The following ABCA10 variants were observed in gnomAD, a reference collection of about 807,000 sequenced individuals.
ABCA10 encodes ATP binding cassette subfamily A member 10, also known as ATP-binding cassette sub-family A member 10.
ABCA10 carries 169 observed loss-of-function variants against 187.5 expected under a neutral mutation model. The observed-to-expected ratio is 0.90, with a 90% CI of 0.80 to 1.02. The LOEUF is 1.02. ABCA10 is among the 50% of genes least tolerant of loss of function. The probability of loss-of-function intolerance (pLI) is 0.00; values close to 1 mark genes in which losing one functional copy is unlikely to be tolerated. For missense variants in ABCA10, 1,727 were observed against 1,812.4 expected, an observed-to-expected ratio of 0.95 and a Z score of 0.86; for synonymous variants, 574 against 601.8, an observed-to-expected ratio of 0.95 and a Z score of 0.68.
intron 9 of ABCA10, among the ~76,000 whole-genome samples, chr17:69,211,419 G>C (rs1006338070): frequency 3.4e-5 from 5 of 148,750 alleles, no homozygotes; most frequent in Admixed American, 6.7e-5. Flanking sequence ...ATGTTCATCA[G>C]AGATATTGGT....
intron 3 of ABCA10, chr17:69,223,653 A>G (rs532245869): frequency 4.5e-6 from 2 of 449,022 alleles, no homozygotes; most frequent in Non-Finnish European, 8.9e-6. Context: ...ATCCTTCCCA[A>G]TATAGAGTCA....
chr17:69,207,390 T>C (rs982292843), intron 9 of ABCA10, among the ~76,000 whole-genome samples: 1 of 152,184 alleles, frequency 6.6e-6, no homozygotes, highest in African/African-American at 2.4e-5. Context: ...ACTTCTGGTA[T>C]ACATCCTAAG....
At chr17:69,226,236 T>G (rs937448635) in intron 2 of ABCA10, among the ~76,000 whole-genome samples, 2 of 152,024 alleles carry the variant, frequency 1.3e-5, no homozygotes, top group African/African-American at 4.8e-5. Flanking sequence ...GATGGCAAGA[T>G]GTTAACAGCT....
chr17:69,149,947 A>G, intron 37 of ABCA10, 37 bp downstream of exon 37: 1 of 1,429,048 alleles, frequency 7.0e-7, no homozygotes, highest in East Asian at 2.3e-5. Context: ...ATATGCAACC[A>G]ATACATAAAG....
intron 20 of ABCA10, 96 bp from the exon 21 acceptor site, chr17:69,182,904 GA>G: frequency 7.0e-7 from 1 of 1,434,438 alleles, no homozygotes; most frequent in Non-Finnish European, 9.4e-7. Context: ...ATCGTGTTAA[GA>G]AAAACCCAGA....
rs1568063288 is a variant in ABCA10, at chr17:69,193,477, ATAT to A, written c.1641+13_1641+15del. 3 of 1,601,976 alleles carry A rather than the reference ATAT, an allele frequency of 1.9e-6. No homozygotes were observed. Among genetic ancestry groups the A allele is most frequent in the Non-Finnish European group, 2.6e-6 (3 of 1,176,202 alleles). ...TTCAATCTAAATTAATTGTAAAAAT[ATAT>A]TTTTTCTCTCACCTGAGGATCTCCT... On this transcript the variant is annotated intron_variant, in intron 14 of 38. Coordinates refer to ENST00000690296, the MANE Select transcript of ABCA10 (RefSeq NM_001377321.1).
intron 9 of ABCA10, among the ~76,000 whole-genome samples, chr17:69,209,785 T>C (rs901425631): frequency 2.0e-5 from 3 of 152,206 alleles, no homozygotes; most frequent in Non-Finnish European, 4.4e-5. Flanking sequence ...ACCTAGGCTA[T>C]GTGGTAGCCC....
chr17:69,197,019 A>AGGGGG (rs1481163901), intron 11 of ABCA10, 45 bp downstream of exon 11: 1 of 1,194,868 alleles, frequency 8.4e-7, no homozygotes, highest in Admixed American at 2.6e-5. Flanking sequence ...AGGGAGGGGG[A>AGGGGG]GGGGGAGAGG....
chr17:69,196,344 G>A (rs1352489235), intron 11 of ABCA10: 6 of 173,420 alleles, frequency 3.5e-5, no homozygotes, highest in Non-Finnish European at 6.1e-5. Context: ...GGTGGCGGTC[G>A]GGCAGAGACA....
intron 26 of ABCA10, 127 bp downstream of exon 26, chr17:69,164,837 T>C (rs1017908707): frequency 2.4e-6 from 3 of 1,225,718 alleles, no homozygotes; most frequent in Non-Finnish European, 3.4e-6. Flanking sequence ...TAAAATCTTA[T>C]TTTTAGAATT....
In ABCA10 at chr17:69,225,355, T is replaced by A; in HGVS notation, c.4A>T (p.Asn2Tyr). The A allele has an allele frequency of 3.1e-6, 5 of 1,613,278 alleles. No individual in the cohort carries two copies. Among genetic ancestry groups the A allele is most frequent in the Non-Finnish European group, 4.2e-6 (5 of 1,179,446 alleles). MNKMALASFMKG... is the reference protein window; with the variant it reads MYKMALASFMKG... ...ATAAAGGAAGCCAAGGCCATCTTATTCATTATCCTTTGTGTTATGTTACTG... is the reference window on the plus strand; with the variant it reads ...ATAAAGGAAGCCAAGGCCATCTTATACATTATCCTTTGTGTTATGTTACTG... The change falls in exon 3 of 39, where the codon AAT (asparagine) becomes TAT (tyrosine). Residue 2 changes from asparagine to tyrosine, a missense_variant. Transcript: ENST00000690296.
chr17:69,148,738 TAACTG>T lies in ABCA10; in HGVS notation c.*84_*88del, dbSNP rs1808062439. 2 of 1,111,638 alleles carry T rather than the reference TAACTG, an allele frequency of 1.8e-6. No homozygotes were observed. The highest frequency in any genetic ancestry group is 1.3e-6 in the Non-Finnish European group (1 of 766,788). 68.9% of individuals were successfully genotyped at this position (1,111,638 alleles called of 1,614,324 possible). On this transcript the variant is annotated 3_prime_UTR_variant, in exon 39 of 39. Transcript: ENST00000690296. ...ATGTTTATTAAATGTTTTCTTTTGT[TAACTG>T]AAGTAAAAGGAAACATTCTTGTAGA...
chr17:69,157,427 A>C (rs1598086817), intron 27 of ABCA10, among the ~76,000 whole-genome samples: 1 of 152,152 alleles, frequency 6.6e-6, no homozygotes, highest in East Asian at 1.9e-4. Flanking sequence ...ATTTTTAGTG[A>C]GGGGTGAAAA....
At chr17:69,161,750 C>T (rs79690116) in intron 27 of ABCA10, among the ~76,000 whole-genome samples, 81 of 150,192 alleles carry the variant, frequency 5.4e-4, no homozygotes, top group African/African-American at 1.9e-3. Flanking sequence ...GAAAAGAGCC[C>T]CTATCAGAAC....
intron 6 of ABCA10, among the ~76,000 whole-genome samples, chr17:69,219,176 C>T (rs2074727263): frequency 6.6e-6 from 1 of 152,118 alleles, no homozygotes; most frequent in Non-Finnish European, 1.5e-5. Context: ...AGGAAGAACA[C>T]CTGGATCTAA....
chr17:69,154,068 C>T (rs1007287662), intron 31 of ABCA10, 59 bp from the exon 32 acceptor site: 2 of 1,567,536 alleles, frequency 1.3e-6, no homozygotes, highest in African/African-American at 2.7e-5. Context: ...CCCCCTTCTA[C>T]TAAAGGAGAT....
chr17:69,204,171 G>C (rs1255886758), intron 9 of ABCA10, among the ~76,000 whole-genome samples: 1 of 152,060 alleles, frequency 6.6e-6, no homozygotes, highest in East Asian at 1.9e-4. Context: ...AAAATCTCCC[G>C]GTAATTATTG....
chr17:69,193,544 A>AC lies in ABCA10; in HGVS notation c.1589dup (p.Gly531TrpfsTer23), dbSNP rs1261205083. On this transcript the variant is annotated frameshift_variant, in exon 14 of 39. Transcript: ENST00000690296. LOFTEE classifies it high-confidence loss of function. ...CTAGTGTTAGTTTTCTCTTCTGCCC[A>AC]CCACTTAATTTTTTAGCAATAATGT... The AC allele has an allele frequency of 1.2e-6, 2 of 1,613,466 alleles. No homozygotes were observed. The highest frequency in any genetic ancestry group is 1.7e-6 in the Non-Finnish European group (2 of 1,179,708).
intron 1 of ABCA10, among the ~76,000 whole-genome samples, chr17:69,243,442 T>C (rs2074918466): frequency 6.6e-6 from 1 of 152,240 alleles, no homozygotes; most frequent in Non-Finnish European, 1.5e-5. Context: ...TAAATATTTG[T>C]GTACATAGAA....
Sources: gnomAD v4.1 joint callset for allele counts (sites outside exome capture counted in the v4.1 genomes callset) on GRCh38, gnomAD v4.1.1 for gene constraint, MANE v1.5 for transcripts, NCBI Gene and HGNC (gene_info 2026-07-23, HGNC 2026-07-21) for gene names.